The following PLCE1 variants were observed in gnomAD, a reference collection of about 807,000 sequenced individuals.
The protein encoded by PLCE1 is 1-phosphatidylinositol 4,5-bisphosphate phosphodiesterase epsilon-1.
In PLCE1, 119 loss-of-function variants were observed where a neutral mutation model predicts 242.8. The ratio of observed to expected loss-of-function variants is 0.49; its 90% CI spans 0.42 to 0.57. PLCE1 has a LOEUF of 0.57. Among genes scored for constraint, PLCE1 ranks in the 20% least tolerant of loss-of-function variants. PLCE1 has a pLI of 0.00. For synonymous variants in PLCE1, 945 were observed against 1,017.4 expected (o/e 0.93, Z 1.35); for missense variants, 2,441 against 2,788.8 (o/e 0.88, Z 2.81).
In PLCE1 at chr10:94,227,374, A is replaced by G. The variant is rs1433292615; in HGVS notation, c.1878A>G (p.Ser626=). The change falls in exon 5 of 33, where the codon TCA becomes TCG. Residue 626 remains serine (S), a synonymous_variant. Coordinates refer to ENST00000371380, the MANE Select transcript of PLCE1 (RefSeq NM_016341.4). The stretch of plus-strand genomic sequence containing the variant: ...TGGAGGAGAAGCGAGAAGTCTTTTC[A>G]TATTTGGTGCATGTGGCCAAATGCT... ...GSMEEKREVF[S]YLVHVAKCCW... 1.2e-6 allele frequency: 2 copies of G among 1,614,000 alleles called. No homozygotes were observed. Among genetic ancestry groups the G allele is most frequent in the Non-Finnish European group, 1.7e-6 (2 of 1,179,880 alleles).
Position 94,044,956 on chromosome 10 carries a change from G to A in PLCE1, c.1206+12704G>A, listed in dbSNP as rs1015301556. ...TAAAATAATTATTTGGTAACTTTAC[G>A]AACTATAGATTCTTGAGCTAGCTCA... On this transcript the variant is annotated intron_variant, in intron 2 of 32. Coordinates refer to ENST00000371380, the MANE Select transcript of PLCE1 (RefSeq NM_016341.4). Among the ~76,000 whole-genome samples the A allele has an allele frequency of 5.3e-5, 8 of 151,998 alleles. No individual in the cohort carries two copies. In the East Asian group the frequency reaches 7.7e-4, roughly 15 times the overall value.
chr10:94,258,674 T>G (rs917020427), intron 11 of PLCE1, 126 bp from the exon 12 acceptor site: 11 of 1,073,250 alleles, frequency 1.0e-5, no homozygotes, highest in Non-Finnish European at 1.1e-5. Flanking sequence ...TACTGGAAAA[T>G]AGCTTCAATC....
At chr10:94,086,561 G>A (rs1254965953) in intron 2 of PLCE1, among the ~76,000 whole-genome samples, 8 of 152,190 alleles carry the variant, frequency 5.3e-5, no homozygotes, top group African/African-American at 9.7e-5. Context: ...TTCTGCCTGT[G>A]TTTTCCCCAC....
intron 3 of PLCE1, among the ~76,000 whole-genome samples, chr10:94,164,396 T>G (rs1427558252): frequency 6.6e-6 from 1 of 152,230 alleles, no homozygotes; most frequent in Non-Finnish European, 1.5e-5. Context: ...CTTGATTTCA[T>G]TCATTTGATC....
At chr10:94,246,813 A>C (rs1305225225) in intron 8 of PLCE1, among the ~76,000 whole-genome samples, 192 bp downstream of exon 8, 1 of 152,190 alleles carries the variant, frequency 6.6e-6, no homozygotes. Flanking sequence ...ACCTGCTCAC[A>C]GGGTGGCTGT....
chr10:94,027,928 C>T (rs1490599460), intron 1 of PLCE1, among the ~76,000 whole-genome samples: 1 of 152,144 alleles, frequency 6.6e-6, no homozygotes. Flanking sequence ...AACCCAAACC[C>T]ATAGGGCTTC....
rs139061122 is a variant in PLCE1, at chr10:94,030,801, A to G, written c.-246A>G. ...AAAATTTTGCTTCAGGTAACAGAGG[A>G]AGGAAAATTGATCTACCACCTTAAA... On this transcript the variant is annotated 5_prime_UTR_variant, in exon 2 of 33. Coordinates refer to ENST00000371380, the MANE Select transcript of PLCE1 (RefSeq NM_016341.4). 767 of 514,502 alleles carry G rather than the reference A, an allele frequency of 1.5e-3. 5 individuals are homozygous for G. Among genetic ancestry groups the G allele is most frequent in the African/African-American group, 0.013 (664 of 52,196 alleles). The allele number at this position is 514,502 out of a possible 1,614,324, so 31.9% of individuals were successfully genotyped here. A position where few individuals can be genotyped will look rare whatever the true frequency, so the allele number is the denominator to read the frequency against.
chr10:94,316,958 A>T (rs887864329), intron 29 of PLCE1, among the ~76,000 whole-genome samples: 2 of 152,240 alleles, frequency 1.3e-5, no homozygotes, highest in African/African-American at 2.4e-5. Flanking sequence ...CAATCTAAAA[A>T]ACATCCCTTA....
chr10:94,133,579 G>T (rs756943743), intron 3 of PLCE1, among the ~76,000 whole-genome samples: 9 of 152,138 alleles, frequency 5.9e-5, no homozygotes, highest in Non-Finnish European at 1.2e-4. Context: ...CTTCCTCCTT[G>T]ATCCTCAGCC....
At chr10:94,186,197 T>C (rs981172404) in intron 4 of PLCE1, among the ~76,000 whole-genome samples, 6 of 152,222 alleles carry the variant, frequency 3.9e-5, no homozygotes, top group Non-Finnish European at 8.8e-5. Context: ...GGCTTCCTCA[T>C]CTGTTCTGAA....
intron 14 of PLCE1, among the ~76,000 whole-genome samples, chr10:94,263,312 A>G (rs1003242225): frequency 1.3e-4 from 20 of 151,576 alleles, no homozygotes; most frequent in Admixed American, 6.6e-4. Context: ...TCAGGAGTTC[A>G]AGACCAGTCT....
At chr10:93,999,156 C>T (rs1485472476) in intron 1 of PLCE1, among the ~76,000 whole-genome samples, 3 of 152,128 alleles carry the variant, frequency 2.0e-5, no homozygotes, top group Admixed American at 2.0e-4. Flanking sequence ...AGAAAGCAGT[C>T]AGGAGTGAGA....
chr10:94,138,445 AGATGG>A, intron 3 of PLCE1: 3 of 424,588 alleles, frequency 7.1e-6, no homozygotes, highest in South Asian at 5.8e-5. Context: ...ACCCACTCTG[AGATGG>A]GATTGATAAT....
At chr10:94,267,211 T>C (rs1195093034) in intron 16 of PLCE1, among the ~76,000 whole-genome samples, 3 of 152,266 alleles carry the variant, frequency 2.0e-5, no homozygotes, top group African/African-American at 7.2e-5. Flanking sequence ...AGTGCATATA[T>C]ACATATCTAT....
intron 4 of PLCE1, among the ~76,000 whole-genome samples, chr10:94,223,246 A>AAAAAG (rs1384208822): frequency 3.3e-5 from 5 of 151,700 alleles, no homozygotes; most frequent in Non-Finnish European, 7.4e-5. Flanking sequence ...AAAAAAAAAA[A>AAAAAG]AAAAAATTGA....
intron 2 of PLCE1, among the ~76,000 whole-genome samples, chr10:94,072,616 C>T (rs1034222354): frequency 1.3e-5 from 2 of 152,098 alleles, no homozygotes; most frequent in Admixed American, 1.3e-4. Context: ...CCTATACAGA[C>T]GAAAGCATAG....
intron 4 of PLCE1, among the ~76,000 whole-genome samples, chr10:94,210,111 C>T (rs940443026): frequency 6.0e-5 from 9 of 151,084 alleles, no homozygotes; most frequent in African/African-American, 2.2e-4. Context: ...GCTTTGGTTT[C>T]GTTTGGTGTT....
Position 94,270,545 on chromosome 10 carries a change from A to G in PLCE1, c.4449A>G (p.Ile1483Met). 1 of 1,614,016 alleles carries G rather than the reference A, an allele frequency of 6.2e-7. No homozygotes were observed. Reference protein sequence around the residue: ...AFINSDLPIIISIENHCSLPQ... With the variant: ...AFINSDLPIIMSIENHCSLPQ... ...TCAACTCTGACCTGCCAATCATCAT[A>G]TCGATTGAGAACCACTGTTCATTGC... The change falls in exon 18 of 33, where the codon ATA (isoleucine) becomes ATG (methionine). Residue 1483 changes from isoleucine to methionine, a missense_variant. Ile to Met is a conservative substitution (Grantham distance 10). Transcript: ENST00000371380.
intron 7 of PLCE1, among the ~76,000 whole-genome samples, chr10:94,241,221 GAGC>G: frequency 6.6e-6 from 1 of 152,214 alleles, no homozygotes; most frequent in South Asian, 2.1e-4. Context: ...CATCATCTCT[GAGC>G]AGCAGAAACA....
Sources: gnomAD v4.1 joint callset for allele counts (sites outside exome capture counted in the v4.1 genomes callset) on GRCh38, gnomAD v4.1.1 for gene constraint, MANE v1.5 for transcripts, NCBI Gene and HGNC (gene_info 2026-07-23, HGNC 2026-07-21) for gene names.